UGGT2: variants seen among roughly 807,000 people sequenced by gnomAD.
UGGT2 encodes the protein UDP-glucose glycoprotein glucosyltransferase 2.
UGGT2 carries 180 observed loss-of-function variants against 192.1 expected under a neutral mutation model. The ratio of observed to expected loss-of-function variants is 0.94; its 90% CI spans 0.83 to 1.06. UGGT2 has a LOEUF of 1.06. Among genes scored for constraint, UGGT2 ranks in the 50% least tolerant of loss-of-function variants. The probability of loss-of-function intolerance (pLI) is 0.00; values close to 1 mark genes in which losing one functional copy is unlikely to be tolerated. For missense variants in UGGT2, 1,849 were observed against 1,795.7 expected (o/e 1.03, Z -0.54); for synonymous variants, 580 against 591.0 (o/e 0.98, Z 0.27).
intron 12 of UGGT2, among the ~76,000 whole-genome samples, chr13:95,949,871 C>T (rs77850604): frequency 0.027 from 4,041 of 152,154 alleles, 66 homozygotes; most frequent in Non-Finnish European, 0.034. Flanking sequence ...ATTATAAAAT[C>T]AACATCTTAG....
intron 38 of UGGT2, among the ~76,000 whole-genome samples, chr13:95,821,667 TC>T (rs1885531666): frequency 6.6e-6 from 1 of 152,140 alleles, no homozygotes; most frequent in South Asian, 2.1e-4. Flanking sequence ...GAAGAGTTTT[TC>T]CAGTGTTATT....
chr13:95,909,781 A>AT (rs376886414), intron 20 of UGGT2, among the ~76,000 whole-genome samples: 34,473 of 121,208 alleles, frequency 0.28, 5,556 homozygotes, highest in East Asian at 0.38. Context: ...AATAATAATA[A>AT]AAAAGATTCC....
At chr13:95,994,660 T>G (rs1255557340) in intron 7 of UGGT2, among the ~76,000 whole-genome samples, 10 of 152,028 alleles carry the variant, frequency 6.6e-5, no homozygotes, top group African/African-American at 9.6e-5. Flanking sequence ...TAAACAAGTA[T>G]GTACTATACC....
At chr13:95,879,889 G>T (rs910444090) in intron 27 of UGGT2, among the ~76,000 whole-genome samples, 1 of 152,044 alleles carries the variant, frequency 6.6e-6, no homozygotes, top group Admixed American at 6.6e-5. Flanking sequence ...CCTTGAGAAT[G>T]TATTAATTTT....
chr13:95,907,243 C>T (rs1450771048), intron 20 of UGGT2, among the ~76,000 whole-genome samples: 1 of 152,232 alleles, frequency 6.6e-6, no homozygotes, highest in Non-Finnish European at 1.5e-5. Flanking sequence ...AGTACGTAAA[C>T]AAAGCGGCTG....
chr13:95,866,984 C>A (rs1161194342), intron 30 of UGGT2, among the ~76,000 whole-genome samples: 1 of 151,854 alleles, frequency 6.6e-6, no homozygotes, highest in Non-Finnish European at 1.5e-5. Context: ...TTAAAAACTC[C>A]CTTTCTCTCC....
intron 38 of UGGT2, among the ~76,000 whole-genome samples, chr13:95,812,810 C>T (rs1480024406): frequency 1.3e-5 from 2 of 152,144 alleles, no homozygotes; most frequent in African/African-American, 2.4e-5. Flanking sequence ...CCTGCTCCCA[C>T]TTCACCTTCG....
At chr13:95,914,775 C>A (rs2048628113) in intron 20 of UGGT2, among the ~76,000 whole-genome samples, 1 of 150,910 alleles carries the variant, frequency 6.6e-6, no homozygotes, top group African/African-American at 2.5e-5. Flanking sequence ...CGCACTCCAG[C>A]CTGGGCGACT....
intron 27 of UGGT2, among the ~76,000 whole-genome samples, chr13:95,883,841 T>G (rs1489337811): frequency 6.6e-6 from 1 of 152,130 alleles, no homozygotes; most frequent in Non-Finnish European, 1.5e-5. Context: ...GAATTCCTTT[T>G]CTCATTCTAG....
intron 17 of UGGT2, among the ~76,000 whole-genome samples, chr13:95,936,376 G>A (rs977535434): frequency 7.2e-5 from 11 of 152,196 alleles, no homozygotes; most frequent in Admixed American, 2.6e-4. Context: ...AACATGGCAG[G>A]GTATATACTT....
At chr13:95,916,746 T>A (rs1482194590) in intron 20 of UGGT2, among the ~76,000 whole-genome samples, 1 of 151,774 alleles carries the variant, frequency 6.6e-6, no homozygotes, top group Non-Finnish European at 1.5e-5. Context: ...CATAAGAACT[T>A]CACAATGCAA....
At chr13:95,977,211 C>T (rs1594488563) in intron 10 of UGGT2, among the ~76,000 whole-genome samples, 2 of 152,094 alleles carry the variant, frequency 1.3e-5, no homozygotes, top group Admixed American at 1.3e-4. Flanking sequence ...GGGATCTAAT[C>T]AAACTACAGA....
intron 4 of UGGT2, among the ~76,000 whole-genome samples, chr13:96,018,247 A>T (rs1442395757): frequency 6.6e-6 from 1 of 152,184 alleles, no homozygotes; most frequent in African/African-American, 2.4e-5. Context: ...CAGGAGTGGT[A>T]GCTCATGTCT....
intron 29 of UGGT2, among the ~76,000 whole-genome samples, chr13:95,874,375 T>C (rs1431639664): frequency 2.0e-5 from 3 of 152,004 alleles, no homozygotes; most frequent in Admixed American, 1.3e-4. Flanking sequence ...TTTGTGGTCA[T>C]TATTAAGTAA....
intron 29 of UGGT2, among the ~76,000 whole-genome samples, chr13:95,874,816 C>G (rs932915989): frequency 6.6e-6 from 1 of 152,032 alleles, no homozygotes; most frequent in African/African-American, 2.4e-5. Flanking sequence ...CTCAGCCTCC[C>G]AAGTAACTAG....
chr13:95,832,570 T>G (rs1448208760), intron 38 of UGGT2: 2 of 330,682 alleles, frequency 6.0e-6, no homozygotes, highest in Non-Finnish European at 1.2e-5. Flanking sequence ...ATGTAAAGCT[T>G]TTATTAATTT....
At chr13:96,027,058 A>C (rs2052692630) in intron 2 of UGGT2, among the ~76,000 whole-genome samples, 1 of 152,248 alleles carries the variant, frequency 6.6e-6, no homozygotes, top group South Asian at 2.1e-4. Flanking sequence ...AAAATAATGC[A>C]AATAAGATTC....
At chr13:96,029,049 G>A (rs2052751040) in intron 2 of UGGT2, among the ~76,000 whole-genome samples, 3 of 151,994 alleles carry the variant, frequency 2.0e-5, no homozygotes, top group African/African-American at 7.2e-5. Flanking sequence ...TACTTCAGAG[G>A]CTTAGGTGGG....
At chr13:95,912,666 G>C (rs1594308152) in intron 20 of UGGT2, among the ~76,000 whole-genome samples, 2 of 152,154 alleles carry the variant, frequency 1.3e-5, no homozygotes, top group Admixed American at 1.3e-4. Flanking sequence ...CACTGCCCAA[G>C]GTAATTCATA....
Sources: allele counts gnomAD v4.1 joint callset (sites outside exome capture counted in the v4.1 genomes callset), GRCh38; gene constraint gnomAD v4.1.1; transcripts MANE v1.5; gene names NCBI Gene and HGNC (gene_info 2026-07-23, HGNC 2026-07-21).